The following NCAM2 variants were observed in gnomAD, a reference collection of about 807,000 sequenced individuals.
NCAM2 encodes the protein neural cell adhesion molecule 2.
A neutral mutation model predicts 98.1 loss-of-function variants in NCAM2; 30 were observed. That is an observed-to-expected ratio of 0.31 (90% CI 0.23 to 0.41). The LOEUF (loss-of-function observed/expected upper bound fraction) is 0.41, where lower values mean the gene tolerates loss of function less well. Among genes scored for constraint, NCAM2 ranks in the 10% least tolerant of loss-of-function variants. The pLI, the probability that NCAM2 is intolerant of heterozygous loss-of-function variation, is 1.00. For synonymous variants in NCAM2, 368 were observed against 342.4 expected, an observed-to-expected ratio of 1.07 and a Z score of -0.83; for missense variants, 867 against 1,005.8, an observed-to-expected ratio of 0.86 and a Z score of 1.87.
intron 6 of NCAM2, among the ~76,000 whole-genome samples, chr21:21,331,293 T>A (rs2074671383): frequency 6.6e-6 from 1 of 150,970 alleles, no homozygotes. Flanking sequence ...TGCGCCACAA[T>A]GCCCAATTAA....
At chr21:21,512,404 TG>T (rs1389007561) in intron 16 of NCAM2, among the ~76,000 whole-genome samples, 1 of 152,020 alleles carries the variant, frequency 6.6e-6, no homozygotes, top group Non-Finnish European at 1.5e-5. Flanking sequence ...TGTAAATGCA[TG>T]GGTTTATGTC....
intron 12 of NCAM2, among the ~76,000 whole-genome samples, chr21:21,447,860 G>A (rs909068488): frequency 2.0e-5 from 3 of 152,026 alleles, no homozygotes; most frequent in Non-Finnish European, 4.4e-5. Flanking sequence ...TCTCACACTC[G>A]CCAGAATGTT....
chr21:21,239,075 C>A (rs2070959982), intron 1 of NCAM2, among the ~76,000 whole-genome samples: 2 of 152,114 alleles, frequency 1.3e-5, no homozygotes. Flanking sequence ...TGACATTGTA[C>A]AAAGATACAC....
In NCAM2 at chr21:21,508,938, G is replaced by C. The variant is rs771614102; in HGVS notation, c.2165G>C (p.Ser722Thr). ...CTAATTCTTGTGGTAACAGACGTCA[G>C]CTGCTTCTTTATTCGGCAATGTGGG... is the stretch of plus-strand genomic sequence containing the variant. ...LLLILVVTDV[S>T]CFFIRQCGLL... Residue 722 changes from serine to threonine, a missense_variant, in exon 16 of 18, where the codon AGC becomes ACC. This residue lies in a region of NCAM2 where 234 missense variants were observed against 333.8 expected (regional missense o/e 0.70). Coordinates refer to ENST00000400546, the MANE Select transcript of NCAM2 (RefSeq NM_004540.5). The C allele has an allele frequency of 6.2e-7, 1 of 1,609,290 alleles. No homozygotes were observed. The highest frequency in any genetic ancestry group is 8.5e-7 in the Non-Finnish European group (1 of 1,179,028).
At chr21:21,285,580 T>C (rs2147524362) in intron 3 of NCAM2, among the ~76,000 whole-genome samples, 1 of 152,100 alleles carries the variant, frequency 6.6e-6, no homozygotes, top group African/African-American at 2.4e-5. Context: ...AAAAGAAGAA[T>C]TGTGACATTT....
intron 16 of NCAM2, among the ~76,000 whole-genome samples, chr21:21,522,845 G>A (rs906356114): frequency 6.6e-6 from 1 of 151,760 alleles, no homozygotes. Flanking sequence ...CTGGCCAGGC[G>A]TGTCTGAAAC....
chr21:21,458,481 G>A (rs373161138), intron 12 of NCAM2, among the ~76,000 whole-genome samples: 12 of 152,154 alleles, frequency 7.9e-5, no homozygotes, highest in African/African-American at 2.7e-4. Flanking sequence ...GTGTGGGAGT[G>A]GAGCAAATCA....
intron 8 of NCAM2, among the ~76,000 whole-genome samples, chr21:21,367,965 C>A (rs1327183282): frequency 6.6e-6 from 1 of 151,914 alleles, no homozygotes; most frequent in Non-Finnish European, 1.5e-5. Flanking sequence ...TGAAAACCAG[C>A]ATTTTGACAA....
chr21:21,367,212 C>T (rs2075808706), intron 8 of NCAM2, among the ~76,000 whole-genome samples: 1 of 151,928 alleles, frequency 6.6e-6, no homozygotes, highest in Non-Finnish European at 1.5e-5. Context: ...ATCTGACTAT[C>T]TTCTTGGCTT....
At chr21:21,184,334 A>G (rs2068570446) in intron 1 of NCAM2, among the ~76,000 whole-genome samples, 1 of 152,066 alleles carries the variant, frequency 6.6e-6, no homozygotes, top group African/African-American at 2.4e-5. Context: ...AGAAAAGAAA[A>G]AAGTAATCTT....
intron 1 of NCAM2, among the ~76,000 whole-genome samples, chr21:21,199,929 T>C (rs181665698): frequency 5.3e-5 from 8 of 152,188 alleles, no homozygotes; most frequent in African/African-American, 1.9e-4. Flanking sequence ...TTACACACTC[T>C]CATAAGTGGC....
chr21:21,308,332 A>G (rs571633090), intron 5 of NCAM2, among the ~76,000 whole-genome samples: 44 of 152,212 alleles, frequency 2.9e-4, no homozygotes, highest in Middle Eastern at 3.4e-3. Flanking sequence ...CAGTTCACCT[A>G]CTGTATGTCT....
chr21:21,368,294 AC>A (rs1479459934), intron 8 of NCAM2, among the ~76,000 whole-genome samples: 2 of 151,834 alleles, frequency 1.3e-5, no homozygotes, highest in African/African-American at 4.8e-5. Flanking sequence ...TCTTTCATCA[AC>A]ACTTTCTCAT....
In NCAM2 at chr21:21,480,416, T is replaced by G. The variant is rs1985769298; in HGVS notation, c.2077+2945T>G. ...TAACTGCAACTAAGAGAGATTTTTC[T>G]TAGAAGGTGAGTTTCCAAAGGAAAC... is the stretch of plus-strand genomic sequence containing the variant. On this transcript the variant is annotated intron_variant, in intron 15 of 17. Coordinates refer to ENST00000400546, the MANE Select transcript of NCAM2 (RefSeq NM_004540.5). Among the ~76,000 whole-genome samples the G allele has an allele frequency of 2.7e-5, 4 of 149,806 alleles. No individual in the cohort carries two copies. In the South Asian group the frequency reaches 8.4e-4, roughly 32 times the overall value.
intron 1 of NCAM2, among the ~76,000 whole-genome samples, chr21:21,264,398 G>A (rs908326036): frequency 2.0e-5 from 3 of 152,028 alleles, no homozygotes; most frequent in Non-Finnish European, 2.9e-5. Flanking sequence ...TCATCAATGG[G>A]AATGTAAATT....
chr21:21,468,889 G>A (rs1984070081), intron 14 of NCAM2, 106 bp downstream of exon 14: 1 of 980,070 alleles, frequency 1.0e-6, no homozygotes, highest in Non-Finnish European at 1.4e-6. Flanking sequence ...TAGTAATTGT[G>A]GTAATAAATG....
intron 1 of NCAM2, among the ~76,000 whole-genome samples, chr21:21,051,827 C>T (rs1305719062): frequency 1.3e-5 from 2 of 152,172 alleles, no homozygotes; most frequent in Non-Finnish European, 2.9e-5. Context: ...TTAATAACTT[C>T]CCTTTTTGTG....
chr21:21,392,222 T>G (rs1438965888), intron 9 of NCAM2, among the ~76,000 whole-genome samples: 1 of 152,200 alleles, frequency 6.6e-6, no homozygotes, highest in African/African-American at 2.4e-5. Context: ...TGTTCCTAAG[T>G]TAGTTTGCTA....
chr21:21,075,736 AT>A (rs1327615867), intron 1 of NCAM2, among the ~76,000 whole-genome samples: 1 of 152,164 alleles, frequency 6.6e-6, no homozygotes, highest in Non-Finnish European at 1.5e-5. Context: ...AAGTACATTT[AT>A]TTCCTGGGTA....
Sources: allele counts gnomAD v4.1 joint callset (sites outside exome capture counted in the v4.1 genomes callset), GRCh38; gene constraint gnomAD v4.1.1; regional missense constraint gnomAD v4.1.1; transcripts MANE v1.5; gene names NCBI Gene and HGNC (gene_info 2026-07-23, HGNC 2026-07-21).